The following MGAT4C variants were observed in gnomAD, a reference collection of about 807,000 sequenced individuals.
MGAT4C encodes the protein alpha-1,3-mannosyl-glycoprotein 4-beta-N-acetylglucosaminyltransferase C.
MGAT4C carries 19 observed loss-of-function variants against 40.1 expected under a neutral mutation model. That is an observed-to-expected ratio of 0.47 (90% confidence interval 0.33 to 0.70). MGAT4C has a LOEUF of 0.70. Ranked by LOEUF, MGAT4C falls within the 30% of genes least tolerant of loss-of-function variation. MGAT4C has a pLI of 0.02. For missense variants in MGAT4C, 491 were observed against 563.2 expected (o/e 0.87, Z 1.30); for synonymous variants, 181 against 187.1 (o/e 0.97, Z 0.27).
intron 4 of MGAT4C, among the ~76,000 whole-genome samples, chr12:86,326,317 C>A (rs1187535365): frequency 6.6e-6 from 1 of 151,592 alleles, no homozygotes; most frequent in Non-Finnish European, 1.5e-5. Context: ...CACACACACA[C>A]ACACACACAC....
chr12:86,176,801 C>A (rs1345986021), intron 1 of MGAT4C, among the ~76,000 whole-genome samples: 2 of 146,018 alleles, frequency 1.4e-5, no homozygotes, highest in African/African-American at 5.1e-5. Context: ...AGGGTGAGGC[C>A]AAATTATATT....
At chr12:86,227,280 C>T (rs1298855918) in intron 1 of MGAT4C, among the ~76,000 whole-genome samples, 1 of 151,806 alleles carries the variant, frequency 6.6e-6, no homozygotes, top group African/African-American at 2.4e-5. Flanking sequence ...GGCCCAGCAT[C>T]GAATCCTAAA....
At chr12:86,145,866 T>C (rs1883442638) in intron 1 of MGAT4C, among the ~76,000 whole-genome samples, 1 of 152,138 alleles carries the variant, frequency 6.6e-6, no homozygotes, top group African/African-American at 2.4e-5. Context: ...TTTTCCAATA[T>C]TAGACCCTAG....
intron 2 of MGAT4C, among the ~76,000 whole-genome samples, chr12:86,560,405 T>G (rs1959806091): frequency 6.6e-6 from 1 of 151,942 alleles, no homozygotes; most frequent in African/African-American, 2.4e-5. Context: ...ACTAGCAAGT[T>G]TAGTCCAATA....
chr12:85,959,519 T>C lies in MGAT4C; in HGVS notation c.*19770A>G, dbSNP rs1161624003. The C allele has an allele frequency of 6.6e-6, 1 of 152,024 alleles. No homozygotes were observed. The highest frequency in any genetic ancestry group is 1.9e-4 in the East Asian group (1 of 5,186). 9.4% of individuals were successfully genotyped at this position (152,024 alleles called of 1,614,324 possible). A position where few individuals can be genotyped will look rare whatever the true frequency, so the allele number is the denominator to read the frequency against. On this transcript the variant is annotated 3_prime_UTR_variant, in exon 5 of 5. Coordinates refer to ENST00000611864, the MANE Select transcript of MGAT4C (RefSeq NM_001351288.2). ...AATTGGATTTGAGGAGGAAAACCCATATTCAGCTTTAATTCAAATGAATTT... is the reference window on the plus strand; with the variant it reads ...AATTGGATTTGAGGAGGAAAACCCACATTCAGCTTTAATTCAAATGAATTT...
At chr12:86,794,549 C>T (rs1477018564) in intron 1 of MGAT4C, among the ~76,000 whole-genome samples, 2 of 151,688 alleles carry the variant, frequency 1.3e-5, no homozygotes, top group African/African-American at 2.4e-5. Context: ...ATCATTTTTA[C>T]TCCCCTTAAA....
intron 2 of MGAT4C, among the ~76,000 whole-genome samples, chr12:86,643,313 T>C (rs745490977): frequency 5.3e-5 from 8 of 151,796 alleles, no homozygotes; most frequent in Admixed American, 4.6e-4. Flanking sequence ...TTCCAACATA[T>C]GAAATTTGGG....
At position 86,047,476 on chromosome 12, in the gene MGAT4C, G is replaced by A. The variant is rs139860207; in HGVS notation, c.-7+2198C>T. 1.3e-4 allele frequency among the ~76,000 whole-genome samples: 20 copies of A among 152,136 alleles called. No homozygotes were observed. In the East Asian group the frequency reaches 3.7e-3, roughly 28 times the overall value. On this transcript the variant is annotated intron_variant, in intron 2 of 4. Transcript: ENST00000611864. Reference sequence around the variant, plus strand: ...ATAATAAAAACAGAAACCCTGAGAGGTGAAGTAATCACCAAAGCCAGCTTC... The same window carrying A: ...ATAATAAAAACAGAAACCCTGAGAGATGAAGTAATCACCAAAGCCAGCTTC...
At chr12:86,032,615 G>GT (rs1176262059) in intron 2 of MGAT4C, among the ~76,000 whole-genome samples, 5 of 149,386 alleles carry the variant, frequency 3.3e-5, no homozygotes, top group Non-Finnish European at 6.0e-5. Context: ...GGGGTTGTTT[G>GT]TTTTTTGCTT....
intron 1 of MGAT4C, among the ~76,000 whole-genome samples, chr12:86,229,822 G>A (rs1178566952): frequency 6.6e-6 from 1 of 151,962 alleles, no homozygotes; most frequent in Non-Finnish European, 1.5e-5. Flanking sequence ...ACTTATATAA[G>A]CTTATATATA....
chr12:86,731,917 A>C (rs894398733), intron 1 of MGAT4C, among the ~76,000 whole-genome samples: 3 of 152,132 alleles, frequency 2.0e-5, no homozygotes, highest in African/African-American at 7.2e-5. Flanking sequence ...CAGCACTAGA[A>C]GTCAAGATAG....
At chr12:86,260,572 A>G (rs1388624174), upstream of MGAT4C, among the ~76,000 whole-genome samples, 4 of 152,178 alleles carry the variant, frequency 2.6e-5, no homozygotes, top group African/African-American at 9.6e-5. Context: ...GTGTTTCCAT[A>G]GGAAATGAAG....
chr12:85,997,028 T>A (rs991093549), intron 2 of MGAT4C, among the ~76,000 whole-genome samples: 1 of 152,178 alleles, frequency 6.6e-6, no homozygotes, highest in East Asian at 1.9e-4. Flanking sequence ...GATAAAGATA[T>A]ACCCAAGACA....
intron 3 of MGAT4C, among the ~76,000 whole-genome samples, chr12:86,398,482 A>C (rs1325433595): frequency 6.6e-6 from 1 of 152,148 alleles, no homozygotes; most frequent in Non-Finnish European, 1.5e-5. Context: ...ATACTATCAT[A>C]GTATATTAAC....
At chr12:86,531,527 A>T (rs928755317) in intron 2 of MGAT4C, among the ~76,000 whole-genome samples, 1 of 152,040 alleles carries the variant, frequency 6.6e-6, no homozygotes, top group African/African-American at 2.4e-5. Flanking sequence ...TAGCAGTCAA[A>T]ACAATGAAGA....
intron 2 of MGAT4C, among the ~76,000 whole-genome samples, chr12:86,046,564 A>G (rs901490115): frequency 6.6e-6 from 1 of 152,150 alleles, no homozygotes; most frequent in African/African-American, 2.4e-5. Flanking sequence ...CCCAGATTGA[A>G]TTACCAGGTT....
chr12:86,628,916 G>T (rs1962919925), intron 2 of MGAT4C, among the ~76,000 whole-genome samples: 1 of 152,018 alleles, frequency 6.6e-6, no homozygotes, highest in Non-Finnish European at 1.5e-5. Context: ...AAATGTAAAT[G>T]GACTAAATTC....
chr12:86,015,878 G>T (rs1889039003), intron 2 of MGAT4C: 1 of 152,142 alleles, frequency 6.6e-6, no homozygotes, highest in African/African-American at 2.4e-5. Context: ...CTGTGTTTTG[G>T]ACACGTGAAG....
At chr12:86,784,158 C>CCCT (rs1299690245) in intron 1 of MGAT4C, among the ~76,000 whole-genome samples, 8 of 151,978 alleles carry the variant, frequency 5.3e-5, no homozygotes, top group African/African-American at 1.9e-4. Context: ...GCTATCGTTC[C>CCCT]CCTAGTACGT....
Sources: allele counts gnomAD v4.1 joint callset (sites outside exome capture counted in the v4.1 genomes callset), GRCh38; gene constraint gnomAD v4.1.1; transcripts MANE v1.5; gene names NCBI Gene and HGNC (gene_info 2026-07-23, HGNC 2026-07-21).